LRGUK: variants seen among roughly 807,000 people sequenced by gnomAD.
LRGUK encodes the protein leucine rich repeats and guanylate kinase domain containing, also known as leucine-rich repeat and guanylate kinase domain-containing protein.
In LRGUK, 65 loss-of-function variants were observed where a neutral mutation model predicts 76.0. That is an observed-to-expected ratio of 0.85 (90% CI 0.70 to 1.05). The LOEUF (loss-of-function observed/expected upper bound fraction) is 1.05, where lower values mean the gene tolerates loss of function less well. LRGUK is among the 50% of genes least tolerant of loss of function. The pLI is 0.00. For synonymous variants in LRGUK, 268 were observed against 265.6 expected (o/e 1.01, Z -0.09); for missense variants, 758 against 732.8 (o/e 1.03, Z -0.40).
downstream of LRGUK, among the ~76,000 whole-genome samples, chr7:134,265,025 G>C (rs750564458): frequency 6.6e-6 from 1 of 152,116 alleles, no homozygotes; most frequent in African/African-American, 2.4e-5. Context: ...TCTCAAACAG[G>C]AGCTGATTAA....
intron 1 of LRGUK, among the ~76,000 whole-genome samples, chr7:134,129,724 C>T (rs1036729099): frequency 2.0e-5 from 3 of 151,710 alleles, no homozygotes; most frequent in Admixed American, 2.0e-4. Flanking sequence ...ATCAGGCCAC[C>T]TCAACCTCCC....
At chr7:134,204,722 A>G (rs1041061088) in intron 15 of LRGUK, among the ~76,000 whole-genome samples, 4 of 152,232 alleles carry the variant, frequency 2.6e-5, no homozygotes, top group African/African-American at 9.6e-5. Flanking sequence ...TCTAAGGAAC[A>G]TGGTCCTTAT....
chr7:134,221,939 G>A (rs779548647), intron 16 of LRGUK, 21 bp downstream of exon 16: 5 of 1,570,980 alleles, frequency 3.2e-6, no homozygotes, highest in East Asian at 2.3e-5. Flanking sequence ...AATAGAAGGG[G>A]TGAAGCCACA....
intron 11 of LRGUK, among the ~76,000 whole-genome samples, chr7:134,189,172 A>C (rs112056570): frequency 0.015 from 2,211 of 152,298 alleles, 25 homozygotes; most frequent in Non-Finnish European, 0.023. Context: ...TGTTAAGTGA[A>C]ATCACAGGGA....
At chr7:134,192,400 A>G (rs1457504821) in intron 12 of LRGUK, among the ~76,000 whole-genome samples, 1 of 152,212 alleles carries the variant, frequency 6.6e-6, no homozygotes, top group African/African-American at 2.4e-5. Context: ...TTACAAGGTC[A>G]AGGTAATTAC....
At chr7:134,228,748 T>A (rs1801820687) in intron 16 of LRGUK, among the ~76,000 whole-genome samples, 1 of 152,176 alleles carries the variant, frequency 6.6e-6, no homozygotes, top group Admixed American at 6.5e-5. Context: ...ATCCTTGCAT[T>A]TGAAGTCTAG....
chr7:134,266,288 AT>A (rs1301074431), downstream of LRGUK, among the ~76,000 whole-genome samples: 5 of 152,244 alleles, frequency 3.3e-5, no homozygotes, highest in Non-Finnish European at 5.9e-5. Context: ...GACCATCAAT[AT>A]ATGCCCACAC....
intron 2 of LRGUK, among the ~76,000 whole-genome samples, chr7:134,137,716 A>C (rs1186265316): frequency 6.6e-6 from 1 of 152,212 alleles, no homozygotes; most frequent in Non-Finnish European, 1.5e-5. Context: ...GTAAGAGCAA[A>C]CTACTGGGAA....
downstream of LRGUK, among the ~76,000 whole-genome samples, chr7:134,212,586 GC>G (rs1801316935): frequency 6.6e-6 from 1 of 152,146 alleles, no homozygotes; most frequent in Non-Finnish European, 1.5e-5. Context: ...GCCAGTAATT[GC>G]CCTCTGATTT....
At chr7:134,239,721 T>C (rs1044932358) in intron 16 of LRGUK, among the ~76,000 whole-genome samples, 2 of 152,068 alleles carry the variant, frequency 1.3e-5, no homozygotes, top group Non-Finnish European at 2.9e-5. Context: ...CAGCACAGAG[T>C]TTGAGATCTG....
intron 4 of LRGUK, among the ~76,000 whole-genome samples, chr7:134,147,919 A>C (rs1301396890): frequency 1.4e-4 from 22 of 151,936 alleles, no homozygotes; most frequent in Admixed American, 1.4e-3. Context: ...AAAATTAGCC[A>C]GTTGCGGTGG....
At chr7:134,262,583 C>A (rs1220184447) in intron 19 of LRGUK, among the ~76,000 whole-genome samples, 2 of 152,096 alleles carry the variant, frequency 1.3e-5, no homozygotes, top group Non-Finnish European at 2.9e-5. Context: ...AAAAAGGAGG[C>A]CTACTCCTCT....
At chr7:134,197,066 A>C (rs767905053) in exon 13 of LRGUK, 2 of 1,612,090 alleles carry the variant, frequency 1.2e-6, no homozygotes, top group Non-Finnish European at 1.7e-6. Flanking sequence ...AAGGTATCGC[A>C]AGAGATGGTT....
intron 5 of LRGUK, among the ~76,000 whole-genome samples, chr7:134,150,994 A>G (rs1383683219): frequency 4.6e-5 from 7 of 152,202 alleles, no homozygotes; most frequent in African/African-American, 1.4e-4. Flanking sequence ...ACAATCATTC[A>G]TCAACTATTA....
At chr7:134,136,864 A>G (rs1797560493) in intron 1 of LRGUK, among the ~76,000 whole-genome samples, 159 bp from the exon 2 acceptor site, 1 of 152,246 alleles carries the variant, frequency 6.6e-6, no homozygotes, top group Non-Finnish European at 1.5e-5. Context: ...TGTAATATGT[A>G]TATGTTATCA....
intron 15 of LRGUK, among the ~76,000 whole-genome samples, chr7:134,217,832 C>T (rs1005900534): frequency 1.3e-5 from 2 of 151,972 alleles, no homozygotes; most frequent in Non-Finnish European, 2.9e-5. Context: ...TCAAGACTTA[C>T]AGAGATTTTA....
At chr7:134,225,906 A>G (rs1461593847) in intron 16 of LRGUK, among the ~76,000 whole-genome samples, 3 of 152,170 alleles carry the variant, frequency 2.0e-5, no homozygotes, top group Non-Finnish European at 4.4e-5. Context: ...TGCAGCATTT[A>G]TAATTTAGAA....
At chr7:134,189,852 T>C (rs980108510) in intron 11 of LRGUK, among the ~76,000 whole-genome samples, 4 of 152,212 alleles carry the variant, frequency 2.6e-5, no homozygotes, top group Admixed American at 2.6e-4. Flanking sequence ...GTACTCTCTT[T>C]CCTGAGTATA....
chr7:134,213,106 C>T (rs887408388), downstream of LRGUK, among the ~76,000 whole-genome samples: 1 of 152,130 alleles, frequency 6.6e-6, no homozygotes, highest in Admixed American at 6.6e-5. Flanking sequence ...AGCAGAGGCA[C>T]GCGCAGGCAT....
Sources: gnomAD v4.1 joint callset for allele counts (sites outside exome capture counted in the v4.1 genomes callset) on GRCh38, gnomAD v4.1.1 for gene constraint, MANE v1.5 for transcripts, NCBI Gene and HGNC (gene_info 2026-07-23, HGNC 2026-07-21) for gene names.